The following DAB1 variants were observed in gnomAD, a reference collection of about 807,000 sequenced individuals.
The protein encoded by DAB1 is disabled homolog 1.
Under a neutral mutation model 64.6 loss-of-function variants are expected in DAB1, and 15 were observed. That is an observed-to-expected ratio of 0.23 (90% CI 0.16 to 0.36). DAB1 has a LOEUF of 0.36. Among genes scored for constraint, DAB1 ranks in the 10% least tolerant of loss-of-function variants. The pLI, the probability that DAB1 is intolerant of heterozygous loss-of-function variation, is 1.00. For synonymous variants in DAB1, 235 were observed against 251.9 expected, an observed-to-expected ratio of 0.93 and a Z score of 0.64; for missense variants, 596 against 706.7, an observed-to-expected ratio of 0.84 and a Z score of 1.78.
At chr1:58,141,116 G>C (rs1654257543) in intron 5 of DAB1, among the ~76,000 whole-genome samples, 1 of 152,182 alleles carries the variant, frequency 6.6e-6, no homozygotes, top group African/African-American at 2.4e-5. Flanking sequence ...CACATGGCCA[G>C]AGCAAGAGCG....
At chr1:57,563,679 G>A (rs1010076123) in intron 7 of DAB1, among the ~76,000 whole-genome samples, 11 of 152,102 alleles carry the variant, frequency 7.2e-5, no homozygotes, top group African/African-American at 2.7e-4. Context: ...TGCCCACAGA[G>A]CCTCCCTCAT....
chr1:57,199,850 T>A (rs1664942600), intron 2 of DAB1, among the ~76,000 whole-genome samples: 1 of 152,080 alleles, frequency 6.6e-6, no homozygotes, highest in Non-Finnish European at 1.5e-5. Context: ...AAGGAGTAAG[T>A]AACACAAATG....
At chr1:57,721,656 C>T (rs1474704256) in intron 6 of DAB1, among the ~76,000 whole-genome samples, 2 of 152,158 alleles carry the variant, frequency 1.3e-5, no homozygotes, top group Non-Finnish European at 2.9e-5. Flanking sequence ...CTATGTTGAG[C>T]TGCTTCTAGG....
At chr1:57,408,651 T>C (rs183743691) in intron 1 of DAB1, among the ~76,000 whole-genome samples, 1 of 152,294 alleles carries the variant, frequency 6.6e-6, no homozygotes, top group African/African-American at 2.4e-5. Context: ...CTCTCAATTT[T>C]CTGCAAGGGC....
chr1:58,221,645 G>A (rs1401480964), intron 4 of DAB1, among the ~76,000 whole-genome samples: 2 of 152,186 alleles, frequency 1.3e-5, no homozygotes, highest in East Asian at 3.9e-4. Context: ...CTGTGAAATG[G>A]GGGCAATGCT....
intron 4 of DAB1, among the ~76,000 whole-genome samples, chr1:58,268,800 T>G (rs941742283): frequency 6.6e-6 from 1 of 152,088 alleles, no homozygotes; most frequent in Admixed American, 6.5e-5. Context: ...AGTCCCCAAA[T>G]AGCCAAAACA....
chr1:57,964,022 T>C (rs1054951660), intron 5 of DAB1, among the ~76,000 whole-genome samples: 1 of 152,070 alleles, frequency 6.6e-6, no homozygotes, highest in African/African-American at 2.4e-5. Flanking sequence ...AAATCACATA[T>C]CCCCAACACA....
In DAB1 at chr1:57,304,033, A is replaced by G. The variant is rs74740826; in HGVS notation, c.-136-12867T>C. On this transcript the variant is annotated intron_variant, in intron 1 of 14. Coordinates refer to ENST00000371236, the MANE Select transcript of DAB1 (RefSeq NM_001365792.1). ...AACCCTTAAATATATCACTGTTTGT[A>G]TTAGTCCATTCTCGTATTGCTATAG... Among the ~76,000 whole-genome samples the G allele has an allele frequency of 3.9e-3, 598 of 152,300 alleles. 6 individuals carry two copies. Among genetic ancestry groups the G allele is most frequent in the African/African-American group, 0.013 (559 of 41,576 alleles).
intron 5 of DAB1, among the ~76,000 whole-genome samples, chr1:57,938,529 C>T (rs1032074463): frequency 1.5e-4 from 23 of 152,084 alleles, no homozygotes; most frequent in African/African-American, 5.1e-4. Flanking sequence ...TTCACTTGTT[C>T]GCTCTCTCTC....
chr1:58,209,812 C>T (rs6684844), intron 4 of DAB1, among the ~76,000 whole-genome samples: 9,440 of 151,874 alleles, frequency 0.062, 379 homozygotes, highest in African/African-American at 0.11. Context: ...CTATTTGAAT[C>T]GTCTTTAAGA....
intron 1 of DAB1, among the ~76,000 whole-genome samples, chr1:58,530,440 T>C (rs1171391904): frequency 6.6e-6 from 1 of 152,200 alleles, no homozygotes; most frequent in African/African-American, 2.4e-5. Flanking sequence ...TATTCATATA[T>C]AAGAATATCC....
intron 6 of DAB1, among the ~76,000 whole-genome samples, chr1:57,812,571 G>A (rs1651681336): frequency 6.6e-6 from 1 of 152,174 alleles, no homozygotes; most frequent in Non-Finnish European, 1.5e-5. Flanking sequence ...CTCCGCAGCT[G>A]CCAGACAGGC....
chr1:57,475,467 G>C (rs750625319), intron 7 of DAB1, among the ~76,000 whole-genome samples: 1 of 152,176 alleles, frequency 6.6e-6, no homozygotes, highest in Non-Finnish European at 1.5e-5. Flanking sequence ...CTAGAGGGTG[G>C]CCAGTGAATA....
chr1:57,071,989 C>T (rs550392299), intron 5 of DAB1, among the ~76,000 whole-genome samples: 80 of 148,900 alleles, frequency 5.4e-4, no homozygotes, highest in Non-Finnish European at 6.7e-4. Flanking sequence ...CGCAAGGAAA[C>T]TTATTTGTAT....
intron 6 of DAB1, among the ~76,000 whole-genome samples, chr1:57,698,415 C>A (rs527704868): frequency 6.6e-6 from 1 of 152,200 alleles, no homozygotes; most frequent in African/African-American, 2.4e-5. Context: ...CTTTGAGGAC[C>A]AATTTGAATA....
chr1:57,010,069 G>T (rs916769808), intron 14 of DAB1, among the ~76,000 whole-genome samples: 1 of 152,112 alleles, frequency 6.6e-6, no homozygotes. Flanking sequence ...CTTACATCTC[G>T]ATCAATCTTA....
At chr1:58,424,668 A>G (rs1416435890) in intron 3 of DAB1, among the ~76,000 whole-genome samples, 3 of 152,190 alleles carry the variant, frequency 2.0e-5, no homozygotes, top group Non-Finnish European at 4.4e-5. Flanking sequence ...AGACAAGGAG[A>G]CCAGTTAAGA....
At chr1:58,534,134 A>G in intron 1 of DAB1, 1 of 868,218 alleles carries the variant, frequency 1.2e-6, no homozygotes, top group Non-Finnish European at 2.0e-6. Flanking sequence ...AACAATTACA[A>G]TGCGTTTGAG....
chr1:57,236,935 A>G (rs1668128080), intron 2 of DAB1, among the ~76,000 whole-genome samples: 1 of 152,174 alleles, frequency 6.6e-6, no homozygotes, highest in African/African-American at 2.4e-5. Context: ...CCACATGTAA[A>G]TTTTAAGCAG....
Sources: allele counts gnomAD v4.1 joint callset (sites outside exome capture counted in the v4.1 genomes callset), GRCh38; gene constraint gnomAD v4.1.1; transcripts MANE v1.5; gene names NCBI Gene and HGNC (gene_info 2026-07-23, HGNC 2026-07-21).